CUL5: variants seen among roughly 807,000 people sequenced by gnomAD.
The protein encoded by CUL5 is cullin-5.
CUL5 carries 26 observed loss-of-function variants against 108.8 expected under a neutral mutation model. That is an observed-to-expected ratio of 0.24 (90% CI 0.18 to 0.33). CUL5 has a LOEUF of 0.33. Among genes scored for constraint, CUL5 ranks in the 10% least tolerant of loss-of-function variants. The pLI, the probability that CUL5 is intolerant of heterozygous loss-of-function variation, is 1.00. For synonymous variants in CUL5, 334 were observed against 298.0 expected (o/e 1.12, Z -1.25); for missense variants, 524 against 909.2 (o/e 0.58, Z 5.45).
At chr11:108,021,455 CA>C in intron 1 of CUL5, among the ~76,000 whole-genome samples, 1 of 152,122 alleles carries the variant, frequency 6.6e-6, no homozygotes, top group Non-Finnish European at 1.5e-5. Context: ...GCAATAATAA[CA>C]AATTCTTTGT....
At chr11:108,088,414 T>C (rs933137928) in intron 11 of CUL5, 113 bp from the exon 12 acceptor site, 2 of 1,196,196 alleles carry the variant, frequency 1.7e-6, no homozygotes, top group Non-Finnish European at 2.3e-6. Flanking sequence ...GTTCCAAACC[T>C]GATCACTAGA....
At chr11:108,083,185 G>C (rs1014844512) in intron 11 of CUL5, among the ~76,000 whole-genome samples, 1 of 152,116 alleles carries the variant, frequency 6.6e-6, no homozygotes, top group Non-Finnish European at 1.5e-5. Flanking sequence ...CCTGATTTTA[G>C]GGTGCTCACT....
intron 9 of CUL5, 122 bp downstream of exon 9, chr11:108,072,584 A>G: frequency 1.4e-6 from 1 of 712,488 alleles, no homozygotes; most frequent in Non-Finnish European, 2.2e-6. Context: ...GAGGTTGGTT[A>G]GTGGGGTATA....
chr11:108,068,448 C>T (rs999271042), intron 7 of CUL5, among the ~76,000 whole-genome samples: 14 of 152,030 alleles, frequency 9.2e-5, no homozygotes, highest in East Asian at 1.9e-4. Flanking sequence ...CCCCCCAACT[C>T]GCAGGGACCA....
intron 15 of CUL5, 115 bp downstream of exon 15, chr11:108,095,102 G>A (rs983753905): frequency 1.2e-6 from 1 of 844,342 alleles, no homozygotes; most frequent in Non-Finnish European, 1.8e-6. Context: ...AAAAGTTTGA[G>A]CAGAAATAGT....
At chr11:108,054,600 C>G in intron 5 of CUL5, 47 bp from the exon 6 acceptor site, 1 of 1,304,868 alleles carries the variant, frequency 7.7e-7, no homozygotes, top group Non-Finnish European at 1.1e-6. Flanking sequence ...ACTCAAAATA[C>G]TGATTTTGAT....
intron 17 of CUL5, 79 bp downstream of exon 17, chr11:108,097,833 C>A: frequency 2.6e-6 from 2 of 755,168 alleles, no homozygotes; most frequent in Non-Finnish European, 4.6e-6. Flanking sequence ...TAATTGTTTT[C>A]CTTACATTAT....
intron 13 of CUL5, among the ~76,000 whole-genome samples, chr11:108,093,825 T>TA (rs1864418416): frequency 1.3e-5 from 2 of 152,286 alleles, no homozygotes; most frequent in Admixed American, 1.3e-4. Flanking sequence ...GCCTTCCGAG[T>TA]AGCTGGGACT....
chr11:108,052,464 G>A (rs1200143270), intron 4 of CUL5, among the ~76,000 whole-genome samples, 196 bp from the exon 5 acceptor site: 1 of 151,858 alleles, frequency 6.6e-6, no homozygotes, highest in African/African-American at 2.4e-5. Context: ...ATTTTGCCCT[G>A]CTGCCCAGGC....
At chr11:108,068,611 A>G (rs1449293323) in intron 7 of CUL5, among the ~76,000 whole-genome samples, 1 of 152,220 alleles carries the variant, frequency 6.6e-6, no homozygotes, top group Non-Finnish European at 1.5e-5. Context: ...AGGGACACAT[A>G]ATTGCCTCCC....
rs180975014 is a variant in CUL5, at chr11:108,059,318, A to G, written c.780+4363A>G. Among the ~76,000 whole-genome samples, 15 of 152,306 alleles carry G rather than the reference A, an allele frequency of 9.8e-5. 1 individual carries two copies. The highest frequency in any genetic ancestry group is 9.2e-4 in the Admixed American group (14 of 15,300). ...GTCAGGCATTATGCTAGTTGGGGAT[A>G]ATAAGATAGACCTAGTCCCTATCCT... On this transcript the variant is annotated intron_variant, in intron 7 of 18. Transcript: ENST00000393094.
At chr11:108,104,040 C>A in intron 18 of CUL5, 150 bp from the exon 19 acceptor site, 2 of 496,342 alleles carry the variant, frequency 4.0e-6, no homozygotes, top group South Asian at 2.6e-5. Context: ...GTAAAAGATA[C>A]TAGTCTCAAC....
At chr11:108,072,131 A>C (rs934941152) in intron 8 of CUL5, among the ~76,000 whole-genome samples, 3 of 152,156 alleles carry the variant, frequency 2.0e-5, no homozygotes, top group Admixed American at 2.0e-4. Context: ...GTGAGCCGTG[A>C]TCGAGCCACT....
At chr11:108,059,125 A>C (rs1863472469) in intron 7 of CUL5, among the ~76,000 whole-genome samples, 1 of 152,098 alleles carries the variant, frequency 6.6e-6, no homozygotes, top group Non-Finnish European at 1.5e-5. Flanking sequence ...CAGTCTTCCC[A>C]CCTCAGCCTC....
chr11:108,083,406 A>G (rs755385256), intron 11 of CUL5, among the ~76,000 whole-genome samples: 1 of 152,212 alleles, frequency 6.6e-6, no homozygotes. Context: ...TTTATCTACA[A>G]GATAGAGTCC....
At chr11:108,050,192 T>C (rs141360620) in intron 4 of CUL5, 126 bp downstream of exon 4, 3 of 653,604 alleles carry the variant, frequency 4.6e-6, no homozygotes. Flanking sequence ...TTTTCAGCTC[T>C]TAACTAGATT....
intron 1 of CUL5, among the ~76,000 whole-genome samples, chr11:108,014,875 C>T (rs910569708): frequency 1.3e-5 from 2 of 151,986 alleles, no homozygotes; most frequent in Non-Finnish European, 2.9e-5. Flanking sequence ...AGAGAGAGTG[C>T]TCGGTGCTCT....
Position 108,106,580 on chromosome 11 carries a change from A to T in CUL5, c.*2196A>T, listed in dbSNP as rs1864807863. On this transcript the variant is annotated 3_prime_UTR_variant, in exon 19 of 19. Transcript: ENST00000393094. ...GGTTATGTATACAAAAGTTTTAACTACTTTTTGGTGTTTATGAAAATCATT... is the reference window on the plus strand; with the variant it reads ...GGTTATGTATACAAAAGTTTTAACTTCTTTTTGGTGTTTATGAAAATCATT... The T allele has an allele frequency of 7.0e-6, 1 of 142,582 alleles. No homozygotes were observed. Among genetic ancestry groups the T allele is most frequent in the Non-Finnish European group, 1.5e-5 (1 of 65,096 alleles). 8.8% of individuals were successfully genotyped at this position (142,582 alleles called of 1,614,324 possible).
chr11:108,035,156 A>C (rs1862701833), intron 2 of CUL5, among the ~76,000 whole-genome samples: 1 of 152,212 alleles, frequency 6.6e-6, no homozygotes, highest in African/African-American at 2.4e-5. Flanking sequence ...GCAGTGAGAC[A>C]TCTCAAGAAG....
Sources: allele counts gnomAD v4.1 joint callset (sites outside exome capture counted in the v4.1 genomes callset), GRCh38; gene constraint gnomAD v4.1.1; transcripts MANE v1.5; gene names NCBI Gene and HGNC (gene_info 2026-07-23, HGNC 2026-07-21).